TMCC1: variants seen among roughly 807,000 people sequenced by gnomAD.
TMCC1 encodes the protein transmembrane and coiled-coil domains protein 1.
In TMCC1, 15 loss-of-function variants were observed where a neutral mutation model predicts 52.4. That is an observed-to-expected ratio of 0.29 (90% CI 0.19 to 0.44). The LOEUF (loss-of-function observed/expected upper bound fraction) is 0.44. TMCC1 is among the 20% of genes least tolerant of loss of function. The pLI is 1.00. For synonymous variants in TMCC1, 279 were observed against 301.9 expected, an observed-to-expected ratio of 0.92 and a Z score of 0.79; for missense variants, 503 against 806.0, an observed-to-expected ratio of 0.62 and a Z score of 4.55.
chr3:129,739,245 G>A (rs2051248035), intron 4 of TMCC1, among the ~76,000 whole-genome samples: 1 of 151,924 alleles, frequency 6.6e-6, no homozygotes, highest in Non-Finnish European at 1.5e-5. Context: ...TGGGCTCACT[G>A]CAGCCTCTGC....
At chr3:129,709,497 A>AAAGAGAGAG (rs554837910) in intron 4 of TMCC1, among the ~76,000 whole-genome samples, 5 of 64,030 alleles carry the variant, frequency 7.8e-5, no homozygotes, top group African/African-American at 3.4e-4. Flanking sequence ...AAAAAAAAAA[A>AAAGAGAGAG]AGAGAGAGAG....
intron 2 of TMCC1, among the ~76,000 whole-genome samples, chr3:129,844,977 A>T (rs967959566): frequency 1.3e-5 from 2 of 152,176 alleles, no homozygotes; most frequent in African/African-American, 4.8e-5. Flanking sequence ...TATGAATCCT[A>T]GCCTATTAAG....
chr3:129,800,959 G>A (rs746598155), intron 4 of TMCC1, among the ~76,000 whole-genome samples: 16 of 119,616 alleles, frequency 1.3e-4, no homozygotes, highest in Non-Finnish European at 2.1e-4. Context: ...ATGGAATCTC[G>A]CTTGCCCAGG....
intron 2 of TMCC1, among the ~76,000 whole-genome samples, chr3:129,876,433 A>G (rs1349308424): frequency 6.6e-6 from 1 of 152,090 alleles, no homozygotes; most frequent in East Asian, 1.9e-4. Context: ...CTCCTAGCCA[A>G]TCCTTACATT....
At chr3:129,823,583 A>G (rs1170416963) in intron 4 of TMCC1, among the ~76,000 whole-genome samples, 3 of 152,208 alleles carry the variant, frequency 2.0e-5, no homozygotes, top group East Asian at 1.9e-4. Context: ...CTAACTTGCC[A>G]AAGTTGTCTT....
At chr3:129,690,724 T>C (rs1189074655) in intron 4 of TMCC1, among the ~76,000 whole-genome samples, 2 of 152,246 alleles carry the variant, frequency 1.3e-5, no homozygotes, top group Non-Finnish European at 2.9e-5. Context: ...TCTGCTTTGA[T>C]TGGATAAACC....
intron 1 of TMCC1, among the ~76,000 whole-genome samples, chr3:129,883,227 G>A (rs1165117052): frequency 1.3e-5 from 2 of 151,964 alleles, no homozygotes; most frequent in Non-Finnish European, 2.9e-5. Flanking sequence ...CAGGAGAATC[G>A]CTTGAACCCG....
intron 4 of TMCC1, among the ~76,000 whole-genome samples, chr3:129,727,896 G>A (rs1052333346): frequency 6.6e-6 from 1 of 152,106 alleles, no homozygotes; most frequent in Non-Finnish European, 1.5e-5. Flanking sequence ...GGGATTATTC[G>A]AACTCAGCTG....
intron 4 of TMCC1, among the ~76,000 whole-genome samples, chr3:129,789,508 T>A (rs993622086): frequency 6.6e-6 from 1 of 152,128 alleles, no homozygotes; most frequent in Non-Finnish European, 1.5e-5. Context: ...TGAGACGGAG[T>A]CTCGCTCTGT....
chr3:129,857,020 G>C (rs763355391), intron 2 of TMCC1, among the ~76,000 whole-genome samples: 2 of 151,954 alleles, frequency 1.3e-5, no homozygotes, highest in Non-Finnish European at 2.9e-5. Context: ...CCAGGTTCAG[G>C]CAATCCCCCT....
intron 4 of TMCC1, among the ~76,000 whole-genome samples, chr3:129,687,647 G>A (rs2089500530): frequency 6.6e-6 from 1 of 152,134 alleles, no homozygotes; most frequent in African/African-American, 2.4e-5. Context: ...AGTCATAGTA[G>A]AGGCAAAGAG....
chr3:129,715,580 T>C (rs2049017889), intron 4 of TMCC1, among the ~76,000 whole-genome samples: 1 of 152,182 alleles, frequency 6.6e-6, no homozygotes, highest in African/African-American at 2.4e-5. Flanking sequence ...TGCTCTGTGC[T>C]TGAAGTGAAA....
intron 2 of TMCC1, among the ~76,000 whole-genome samples, chr3:129,863,020 A>T (rs962226161): frequency 4.6e-5 from 7 of 152,260 alleles, no homozygotes; most frequent in Non-Finnish European, 1.0e-4. Context: ...AACCTAAAAG[A>T]TGTCAAGATT....
intron 4 of TMCC1, among the ~76,000 whole-genome samples, chr3:129,820,669 G>GCCT (rs1280598209): frequency 6.6e-6 from 1 of 152,156 alleles, no homozygotes; most frequent in Non-Finnish European, 1.5e-5. Context: ...TGAGATTTGT[G>GCCT]TTAAAGAAAG....
intron 2 of TMCC1, among the ~76,000 whole-genome samples, chr3:129,833,775 A>C (rs2059031355): frequency 6.6e-6 from 1 of 152,136 alleles, no homozygotes; most frequent in South Asian, 2.1e-4. Flanking sequence ...TTTTTTGGCT[A>C]ATCTTCAGTA....
intron 4 of TMCC1, 124 bp from the exon 5 acceptor site, chr3:129,671,388 C>T (rs2087929953): frequency 1.9e-6 from 2 of 1,028,074 alleles, no homozygotes; most frequent in Non-Finnish European, 1.4e-6. Flanking sequence ...ACCTATAATT[C>T]CCCCTTGTCC....
In TMCC1 at chr3:129,677,981, C is replaced by T. The variant is rs573521691; in HGVS notation, c.577-6717G>A. ...TCGCTCTGTCGCCCAGGCTGGGGTG[C>T]AGTAGCATGATCTTGGCTCACTGCA... On this transcript the variant is annotated intron_variant, in intron 4 of 6. Coordinates refer to ENST00000393238, the MANE Select transcript of TMCC1 (RefSeq NM_001017395.5). 2.2e-4 allele frequency among the ~76,000 whole-genome samples: 34 copies of T among 152,326 alleles called. No individual in the cohort carries two copies. The South Asian group carries it at 6.4e-3, about 29-fold the overall frequency.
chr3:129,753,945 T>C (rs1393345122), intron 4 of TMCC1, among the ~76,000 whole-genome samples: 2 of 136,674 alleles, frequency 1.5e-5, no homozygotes, highest in Non-Finnish European at 3.1e-5. Context: ...GCTAAGAATC[T>C]ACAAAAAAAA....
chr3:129,815,974 A>C (rs1251569134), intron 4 of TMCC1, among the ~76,000 whole-genome samples: 2 of 152,206 alleles, frequency 1.3e-5, no homozygotes, highest in African/African-American at 2.4e-5. Context: ...ATGGCCAACA[A>C]GTATATGAAA....
Sources: gnomAD v4.1 joint callset for allele counts (sites outside exome capture counted in the v4.1 genomes callset) on GRCh38, gnomAD v4.1.1 for gene constraint, MANE v1.5 for transcripts, NCBI Gene and HGNC (gene_info 2026-07-23, HGNC 2026-07-21) for gene names.